The following LAMA2 variants were observed in gnomAD, a reference collection of about 807,000 sequenced individuals.
LAMA2 encodes laminin subunit alpha-2.
In LAMA2, 269 loss-of-function variants were observed where a neutral mutation model predicts 364.8. The ratio of observed to expected loss-of-function variants is 0.74; its 90% CI spans 0.67 to 0.82. The LOEUF is 0.82. Among genes scored for constraint, LAMA2 ranks in the 40% least tolerant of loss-of-function variants. The pLI, the probability that LAMA2 is intolerant of heterozygous loss-of-function variation, is 0.00. For missense variants in LAMA2, 3,807 were observed against 3,873.2 expected (o/e 0.98, Z 0.45); for synonymous variants, 1,379 against 1,370.6 (o/e 1.01, Z -0.14).
chr6:129,177,032 T>G (rs1190045377), intron 9 of LAMA2, among the ~76,000 whole-genome samples: 1 of 152,168 alleles, frequency 6.6e-6, no homozygotes, highest in Non-Finnish European at 1.5e-5. Flanking sequence ...CTCCAGATTT[T>G]GAAGGTCTGT....
chr6:128,929,038 G>T (rs1295528856), intron 1 of LAMA2: 2 of 1,432,872 alleles, frequency 1.4e-6, no homozygotes, highest in South Asian at 1.1e-5. Flanking sequence ...AGAAGCCAAT[G>T]GTATCCTCTA....
chr6:129,009,161 A>G (rs1784618885), intron 1 of LAMA2, among the ~76,000 whole-genome samples: 1 of 152,180 alleles, frequency 6.6e-6, no homozygotes, highest in African/African-American at 2.4e-5. Context: ...TGGAGAGTAT[A>G]CTATTTGACT....
intron 12 of LAMA2, among the ~76,000 whole-genome samples, chr6:129,210,156 TA>T (rs1562335480): frequency 6.6e-6 from 1 of 152,102 alleles, no homozygotes; most frequent in East Asian, 1.9e-4. Flanking sequence ...ACTACTTTTT[TA>T]AATTACTGAT....
chr6:129,348,443 A>C (rs1360572765), intron 30 of LAMA2, among the ~76,000 whole-genome samples: 2 of 152,130 alleles, frequency 1.3e-5, no homozygotes, highest in East Asian at 1.9e-4. Flanking sequence ...TTAATTTCCA[A>C]GTTTCCAATG....
intron 1 of LAMA2, among the ~76,000 whole-genome samples, chr6:128,896,422 T>TC (rs1776778547): frequency 6.6e-6 from 1 of 152,104 alleles, no homozygotes; most frequent in African/African-American, 2.4e-5. Context: ...TTTTTTTTTT[T>TC]CTGCCATACA....
intron 12 of LAMA2, among the ~76,000 whole-genome samples, chr6:129,235,374 A>AT (rs1452662040): frequency 2.6e-5 from 4 of 152,216 alleles, no homozygotes; most frequent in Non-Finnish European, 5.9e-5. Flanking sequence ...CTTATTCTGC[A>AT]TGGTCAGCAC....
At chr6:129,017,555 T>C (rs1404001925) in intron 1 of LAMA2, among the ~76,000 whole-genome samples, 1 of 152,028 alleles carries the variant, frequency 6.6e-6, no homozygotes, top group African/African-American at 2.4e-5. Context: ...CTTACATATA[T>C]ATATATATAA....
At chr6:129,009,656 G>T (rs1203667245) in intron 1 of LAMA2, among the ~76,000 whole-genome samples, 1 of 152,136 alleles carries the variant, frequency 6.6e-6, no homozygotes, top group African/African-American at 2.4e-5. Flanking sequence ...CCTTGATATA[G>T]ATTCATAGAT....
chr6:129,165,011 T>C (rs766593024), intron 8 of LAMA2, among the ~76,000 whole-genome samples: 13 of 152,148 alleles, frequency 8.5e-5, no homozygotes, highest in Non-Finnish European at 1.9e-4. Flanking sequence ...CAAATGATGA[T>C]TTTGAAACTG....
At chr6:129,158,041 G>T in intron 8 of LAMA2, 7 of 1,612,666 alleles carry the variant, frequency 4.3e-6, no homozygotes, top group Non-Finnish European at 5.9e-6. Flanking sequence ...TTTAGGTCTC[G>T]ATGAGCAATT....
intron 1 of LAMA2, among the ~76,000 whole-genome samples, chr6:128,979,060 G>T (rs1339459760): frequency 6.6e-6 from 1 of 152,200 alleles, no homozygotes; most frequent in Non-Finnish European, 1.5e-5. Context: ...CTCATTAAAT[G>T]ATGTTTGCCA....
At chr6:129,402,241 G>A (rs2114694424) in intron 38 of LAMA2, 83 bp from the exon 39 acceptor site, 1 of 920,816 alleles carries the variant, frequency 1.1e-6, no homozygotes, top group Non-Finnish European at 1.7e-6. Flanking sequence ...AACTAAACGT[G>A]TAGTTATGTC....
In LAMA2 at chr6:129,011,010, G is replaced by A. The variant is rs1431063264; in HGVS notation, c.113-38908G>A. On this transcript the variant is annotated intron_variant, in intron 1 of 64. Coordinates refer to ENST00000421865, the MANE Select transcript of LAMA2 (RefSeq NM_000426.4). Reference sequence around the variant, plus strand: ...TTTTTTTTCTTTGAGATGGAGTCTCGCTCTGTCACCCCCTGGCTGGAGTGC... The same window carrying A: ...TTTTTTTTCTTTGAGATGGAGTCTCACTCTGTCACCCCCTGGCTGGAGTGC... Among the ~76,000 whole-genome samples the A allele has an allele frequency of 9.2e-5, 14 of 151,844 alleles. No individual in the cohort carries two copies. In the South Asian group the frequency reaches 2.3e-3, roughly 25 times the overall value.
intron 55 of LAMA2, among the ~76,000 whole-genome samples, chr6:129,485,790 T>C (rs1000610768): frequency 8.5e-5 from 13 of 152,166 alleles, no homozygotes; most frequent in African/African-American, 3.1e-4. Context: ...AGATGACTCA[T>C]GGAGAACTGA....
At chr6:129,271,813 G>A (rs1451074918) in intron 17 of LAMA2, among the ~76,000 whole-genome samples, 1 of 152,080 alleles carries the variant, frequency 6.6e-6, no homozygotes, top group Non-Finnish European at 1.5e-5. Flanking sequence ...AGGGAAATCT[G>A]TCAGCTATAG....
intron 14 of LAMA2, among the ~76,000 whole-genome samples, chr6:129,256,977 G>A (rs1336966798): frequency 2.0e-5 from 3 of 151,290 alleles, no homozygotes; most frequent in African/African-American, 7.3e-5. Flanking sequence ...TTCTGAAATA[G>A]TTCCAATATT....
chr6:128,934,538 T>C (rs564152505), intron 1 of LAMA2, among the ~76,000 whole-genome samples: 267 of 152,222 alleles, frequency 1.8e-3, no homozygotes, highest in African/African-American at 6.1e-3. Context: ...TTTCCCTCTT[T>C]TCGCTCAAGG....
intron 1 of LAMA2, among the ~76,000 whole-genome samples, chr6:128,885,313 C>G (rs1282737671): frequency 6.6e-6 from 1 of 152,210 alleles, no homozygotes; most frequent in East Asian, 1.9e-4. Flanking sequence ...TTTAAAAATG[C>G]CTTATGTACA....
intron 12 of LAMA2, among the ~76,000 whole-genome samples, chr6:129,226,547 CA>C (rs1349036091): frequency 6.6e-6 from 1 of 151,994 alleles, no homozygotes; most frequent in African/African-American, 2.4e-5. Context: ...AATCTCTCAG[CA>C]TTTGCTTGTC....
Sources: allele counts gnomAD v4.1 joint callset (sites outside exome capture counted in the v4.1 genomes callset), GRCh38; gene constraint gnomAD v4.1.1; transcripts MANE v1.5; gene names NCBI Gene and HGNC (gene_info 2026-07-23, HGNC 2026-07-21).